The following MYO3B variants were observed in gnomAD, a reference collection of about 807,000 sequenced individuals.
MYO3B encodes myosin IIIB.
In MYO3B, 156 loss-of-function variants were observed where a neutral mutation model predicts 174.6. The ratio of observed to expected loss-of-function variants is 0.89; its 90% CI spans 0.78 to 1.02. MYO3B has a LOEUF of 1.02. Ranked by LOEUF, MYO3B falls within the 50% of genes least tolerant of loss-of-function variation. The probability of loss-of-function intolerance (pLI) is 0.00; values close to 1 mark genes in which losing one functional copy is unlikely to be tolerated. For synonymous variants in MYO3B, 563 were observed against 569.1 expected, an observed-to-expected ratio of 0.99 and a Z score of 0.15; for missense variants, 1,632 against 1,639.4, an observed-to-expected ratio of 1.00 and a Z score of 0.08.
chr2:170,404,491 A>G lies in MYO3B; in HGVS notation c.2431+91A>G. On this transcript the variant is annotated intron_variant, in intron 20 of 34. Coordinates refer to ENST00000408978, the MANE Select transcript of MYO3B (RefSeq NM_138995.5). ...GTGTACTTTAATGAATTTACCTTAC[A>G]TATTTTGTTTATATGGTGGTTTGTA... 2.3e-6 allele frequency: 3 copies of G among 1,320,376 alleles called. No individual in the cohort carries two copies. The Middle Eastern group carries it at 5.7e-4, about 252-fold the overall frequency. The allele number at this position is 1,320,376 out of a possible 1,614,324, so 81.8% of individuals were successfully genotyped here.
At chr2:170,360,288 A>G (rs1299300369) in intron 8 of MYO3B, among the ~76,000 whole-genome samples, 1 of 152,194 alleles carries the variant, frequency 6.6e-6, no homozygotes, top group Non-Finnish European at 1.5e-5. Context: ...GTCCCTGGGC[A>G]TTTAAGCCTG....
chr2:170,651,841 C>T (rs1699032912), intron 33 of MYO3B, 107 bp downstream of exon 33: 3 of 819,268 alleles, frequency 3.7e-6, no homozygotes, highest in Non-Finnish European at 6.0e-6. Context: ...CACCCTCATG[C>T]TCTCGTCTTG....
At chr2:170,362,969 T>C (rs2094172649) in intron 8 of MYO3B, among the ~76,000 whole-genome samples, 1 of 152,202 alleles carries the variant, frequency 6.6e-6, no homozygotes. Flanking sequence ...TGCTCTGATA[T>C]TTAACCTATA....
intron 7 of MYO3B, among the ~76,000 whole-genome samples, chr2:170,313,195 A>G (rs2093751345): frequency 6.6e-6 from 1 of 152,164 alleles, no homozygotes; most frequent in Non-Finnish European, 1.5e-5. Flanking sequence ...CTTAATACTT[A>G]ACATCCTTGA....
chr2:170,625,591 G>A (rs1347187454), intron 32 of MYO3B, among the ~76,000 whole-genome samples: 2 of 152,078 alleles, frequency 1.3e-5, no homozygotes, highest in Non-Finnish European at 2.9e-5. Flanking sequence ...CTTGCTTTCT[G>A]CTAGCTTTTG....
chr2:170,302,444 A>C (rs1304218995), intron 7 of MYO3B, among the ~76,000 whole-genome samples: 1 of 152,192 alleles, frequency 6.6e-6, no homozygotes, highest in East Asian at 1.9e-4. Flanking sequence ...GTAAAATCTA[A>C]ACAAGCATTA....
At chr2:170,422,480 A>G (rs1341030385) in intron 22 of MYO3B, among the ~76,000 whole-genome samples, 1 of 147,058 alleles carries the variant, frequency 6.8e-6, no homozygotes. Context: ...TTTTTTTGAG[A>G]TGGAGTCTCT....
intron 25 of MYO3B, among the ~76,000 whole-genome samples, chr2:170,469,183 A>G (rs1454964570): frequency 6.6e-6 from 1 of 152,158 alleles, no homozygotes; most frequent in African/African-American, 2.4e-5. Flanking sequence ...TTATGAAGCT[A>G]TTGTAGTAAA....
At chr2:170,418,446 G>A (rs898921178) in intron 22 of MYO3B, among the ~76,000 whole-genome samples, 1 of 152,342 alleles carries the variant, frequency 6.6e-6, no homozygotes. Flanking sequence ...ATCTGGAGAA[G>A]TGTGATTTCC....
At chr2:170,373,993 A>C (rs758749817) in intron 9 of MYO3B, among the ~76,000 whole-genome samples, 4 of 152,230 alleles carry the variant, frequency 2.6e-5, no homozygotes, top group Non-Finnish European at 5.9e-5. Context: ...GGTAGAATGC[A>C]ACTGAATAGC....
intron 32 of MYO3B, among the ~76,000 whole-genome samples, chr2:170,627,108 G>C (rs1696510646): frequency 6.6e-6 from 1 of 152,198 alleles, no homozygotes; most frequent in South Asian, 2.1e-4. Flanking sequence ...TGCCTTGCTA[G>C]GTTGGGGAAG....
rs764611593 is a variant in MYO3B at position 170,392,482 on chromosome 2, G to A, written c.1778G>A (p.Gly593Glu). ...ATTCAGCATTGCTTCAGGATTATAG[G>A]GTTCACGGACAAAGTAAGTGATGAT... ...EAIQHCFRII[G>E]FTDKEVHSVY... The change falls in exon 16 of 35, where the codon GGG becomes GAG. Residue 593 changes from glycine (G) to glutamate (E), a missense_variant. Physicochemically the swap from Gly to Glu is moderately conservative, Grantham distance 98. Transcript: ENST00000408978. 1.3e-6 allele frequency: 2 copies of A among 1,567,268 alleles called. No individual in the cohort carries two copies. Among genetic ancestry groups the A allele is most frequent in the Admixed American group, 3.5e-5 (2 of 57,296 alleles).
chr2:170,485,694 C>T (rs1246952587), intron 25 of MYO3B, among the ~76,000 whole-genome samples: 1 of 152,116 alleles, frequency 6.6e-6, no homozygotes, highest in South Asian at 2.1e-4. Flanking sequence ...AAATATTAAA[C>T]ATGTGTGAGG....
At chr2:170,261,599 A>G (rs2093346475) in intron 7 of MYO3B, among the ~76,000 whole-genome samples, 1 of 152,216 alleles carries the variant, frequency 6.6e-6, no homozygotes. Context: ...GTACACATGC[A>G]TAATCCCATG....
chr2:170,252,844 CTGAGGTGGGAA>C (rs1190929353), intron 7 of MYO3B, among the ~76,000 whole-genome samples: 2 of 151,996 alleles, frequency 1.3e-5, no homozygotes, highest in African/African-American at 2.4e-5. Flanking sequence ...TGCAAAGGTC[CTGAGGTGGGAA>C]TGAGGTGGGA....
intron 7 of MYO3B, among the ~76,000 whole-genome samples, chr2:170,246,464 G>T (rs942034249): frequency 3.3e-5 from 5 of 151,816 alleles, no homozygotes; most frequent in Admixed American, 3.3e-4. Flanking sequence ...GGTTATACTG[G>T]AGCAGAGTTG....
At chr2:170,199,783 T>C (rs1454266375) in intron 2 of MYO3B, among the ~76,000 whole-genome samples, 1 of 152,154 alleles carries the variant, frequency 6.6e-6, no homozygotes, top group African/African-American at 2.4e-5. Context: ...CACAGTGAGG[T>C]TTTACATGTC....
At chr2:170,187,351 G>A (rs2092478698) in intron 1 of MYO3B, among the ~76,000 whole-genome samples, 1 of 151,978 alleles carries the variant, frequency 6.6e-6, no homozygotes. Flanking sequence ...TCCTGCCTCA[G>A]CCTCCTGAGT....
At chr2:170,315,393 G>A (rs1337351681) in intron 7 of MYO3B, among the ~76,000 whole-genome samples, 1 of 150,882 alleles carries the variant, frequency 6.6e-6, no homozygotes, top group Non-Finnish European at 1.5e-5. Flanking sequence ...TTGAACCTCC[G>A]CCTCCAGGTT....
Sources: gnomAD v4.1 joint callset for allele counts (sites outside exome capture counted in the v4.1 genomes callset) on GRCh38, gnomAD v4.1.1 for gene constraint, MANE v1.5 for transcripts, NCBI Gene and HGNC (gene_info 2026-07-23, HGNC 2026-07-21) for gene names.